Variants in PCLO observed in about 807,000 individuals in gnomAD.
PCLO encodes the protein protein piccolo.
In PCLO, 82 loss-of-function variants were observed where a neutral mutation model predicts 427.5. The ratio of observed to expected loss-of-function variants is 0.19; its 90% confidence interval spans 0.16 to 0.23. PCLO has a LOEUF of 0.23. Among genes scored for constraint, PCLO ranks in the 10% least tolerant of loss-of-function variants. The pLI is 1.00. For synonymous variants in PCLO, 2,357 were observed against 2,155.4 expected, an observed-to-expected ratio of 1.09 and a Z score of -2.59; for missense variants, 6,239 against 6,115.9, an observed-to-expected ratio of 1.02 and a Z score of -0.67.
At position 82,955,589 on chromosome 7, in the gene PCLO, C is replaced by T. The variant is rs535389033; in HGVS notation, c.5364G>A (p.Glu1788=). Residue 1788 remains glutamate (E), a synonymous_variant, in exon 5 of 25, where the codon GAG becomes GAA. Transcript: ENST00000333891. ...ELREEEELLK[E]QEKQREIEQQ... ...GTTCTATTTCCCTCTGCTTTTCTTG[C>T]TCCTTTAATAATTCTTCTTCCTCTC... 2.6e-4 allele frequency: 419 copies of T among 1,613,916 alleles called. 3 individuals carry two copies. The South Asian group carries it at 4.1e-3, about 16-fold the overall frequency.
chr7:82,801,570 TC>T lies in PCLO; in HGVS notation c.14954del (p.Gly4985AspfsTer5). 6.3e-7 allele frequency: 1 copy of T among 1,587,886 alleles called. No individual in the cohort carries two copies. The highest frequency in any genetic ancestry group is 8.6e-7 in the Non-Finnish European group (1 of 1,156,538). On this transcript the variant is annotated frameshift_variant, in exon 22 of 25. Transcript: ENST00000333891. LOFTEE classifies it high-confidence loss of function. Reference protein sequence around the residue: ...IPRIGKMGQNGQEPVKQPGVG... With the variant: ...IPRIGKMGQNXQEPVKQPGVG... Reference sequence around the variant, plus strand: ...CCCCTGGCTGTTTTACAGGCTCTTGTCCATTCTGTCCCATCTTCCCTCTGTT... The same window carrying T: ...CCCCTGGCTGTTTTACAGGCTCTTGTCATTCTGTCCCATCTTCCCTCTGTT...
Position 82,916,470 on chromosome 7 carries a change from A to C in PCLO, c.11516T>G (p.Val3839Gly), listed in dbSNP as rs1396857602. 1.9e-6 allele frequency: 3 copies of C among 1,613,676 alleles called. No homozygotes were observed. The highest frequency in any genetic ancestry group is 2.5e-6 in the Non-Finnish European group (3 of 1,179,752). Residue 3839 changes from valine to glycine, a missense_variant, in exon 7 of 25, where the codon GTG becomes GGG. Transcript: ENST00000333891. ...TATTCGGGTTGGTCTTGTGCTACTCACTTCACTGTCAGACATGTAATCACG... is the reference window on the plus strand; with the variant it reads ...TATTCGGGTTGGTCTTGTGCTACTCCCTTCACTGTCAGACATGTAATCACG... ...EDRDYMSDSEVSSTRPTRIES... is the reference protein window; with the variant it reads ...EDRDYMSDSEGSSTRPTRIES...
chr7:83,057,946 T>C (rs564043456), intron 3 of PCLO, among the ~76,000 whole-genome samples: 2 of 152,276 alleles, frequency 1.3e-5, no homozygotes, highest in Admixed American at 6.5e-5. Flanking sequence ...CTTAATTTAC[T>C]GCAATAGCCA....
chr7:82,963,774 G>T (rs1219972983), intron 4 of PCLO, among the ~76,000 whole-genome samples: 1 of 152,010 alleles, frequency 6.6e-6, no homozygotes, highest in African/African-American at 2.4e-5. Flanking sequence ...GGTAATTTTA[G>T]TTTATGTCAC....
rs567655284 is a variant in PCLO, at chr7:83,008,414, C to T, written c.3301-41927G>A. The stretch of plus-strand genomic sequence containing the variant: ...CTAATCTTTTTTAATGCTTCCTGTA[C>T]ATGACACATTTATGTATTTTGTAAT... On this transcript the variant is annotated intron_variant, in intron 3 of 24. Coordinates refer to ENST00000333891, the MANE Select transcript of PCLO (RefSeq NM_033026.6). Among the ~76,000 whole-genome samples the T allele has an allele frequency of 6.6e-5, 10 of 151,798 alleles. No homozygotes were observed. The East Asian group carries it at 1.9e-3, about 29-fold the overall frequency.
intron 3 of PCLO, among the ~76,000 whole-genome samples, chr7:83,050,563 G>A (rs1562939250): frequency 1.3e-5 from 2 of 151,642 alleles, no homozygotes; most frequent in Admixed American, 6.6e-5. Flanking sequence ...CAAATCTAAC[G>A]AAGTATAAAA....
chr7:83,035,637 CTAGT>C (rs1447915625), intron 3 of PCLO, among the ~76,000 whole-genome samples: 10 of 152,164 alleles, frequency 6.6e-5, no homozygotes, highest in African/African-American at 9.6e-5. Flanking sequence ...CTTGATCTTA[CTAGT>C]TACTTTATTA....
At position 82,915,835 on chromosome 7, in the gene PCLO, C is replaced by A; in HGVS notation, c.12151G>T (p.Asp4051Tyr). Residue 4051 changes from aspartate (D) to tyrosine (Y), a missense_variant, in exon 7 of 25, where the codon GAC becomes TAC. By Grantham distance (160) the Asp-to-Tyr change is radical. Coordinates refer to ENST00000333891, the MANE Select transcript of PCLO (RefSeq NM_033026.6). ...HTPRNYVLID[D>Y]IGEITKGTAA... Reference sequence around the variant, plus strand: ...GTTCCTTTGGTGATCTCTCCAATGTCGTCAATTAGGACATAATTTCGTGGA... The same window carrying A: ...GTTCCTTTGGTGATCTCTCCAATGTAGTCAATTAGGACATAATTTCGTGGA... The A allele has an allele frequency of 1.2e-6, 2 of 1,613,396 alleles. No individual in the cohort carries two copies. The highest frequency in any genetic ancestry group is 8.5e-7 in the Non-Finnish European group (1 of 1,179,686).
chr7:83,159,198 A>G (rs1463871480), intron 1 of PCLO, among the ~76,000 whole-genome samples: 1 of 152,098 alleles, frequency 6.6e-6, no homozygotes, highest in Non-Finnish European at 1.5e-5. Flanking sequence ...TGTTTCTTGA[A>G]TTGCTTTCAC....
At chr7:82,888,369 T>C (rs542918087) in intron 9 of PCLO, among the ~76,000 whole-genome samples, 3 of 152,302 alleles carry the variant, frequency 2.0e-5, no homozygotes, top group African/African-American at 4.8e-5. Flanking sequence ...AAAATGTTCA[T>C]ATAATTGATA....
At chr7:83,057,784 C>G (rs1169683188) in intron 3 of PCLO, among the ~76,000 whole-genome samples, 1 of 151,916 alleles carries the variant, frequency 6.6e-6, no homozygotes, top group African/African-American at 2.4e-5. Context: ...GAAAGAAAAT[C>G]AAAATCTTAC....
At position 82,965,899 on chromosome 7, in the gene PCLO, C is replaced by T; in HGVS notation, c.3889G>A (p.Gly1297Ser). 3 of 1,613,696 alleles carry T rather than the reference C, an allele frequency of 1.9e-6. No individual in the cohort carries two copies. Among genetic ancestry groups the T allele is most frequent in the Non-Finnish European group, 2.5e-6 (3 of 1,179,680 alleles). The change falls in exon 4 of 25, where the codon GGT becomes AGT. Residue 1297 changes from glycine (G) to serine (S), a missense_variant. This residue lies in a region of PCLO where 4,677 missense variants were observed against 4,468.4 expected (regional missense o/e 1.05). Transcript: ENST00000333891. ...CTCTGAGGTGTGCCAGATGGTAAAC[C>T]TTCCATCTTGGTCTGTGGTTGTTTC... ...EGKQPQTKME[G>S]LPSGTPQSLP...
rs140777033 is a variant in PCLO, at chr7:83,109,036, G to A, written c.3300+25214C>T. Among the ~76,000 whole-genome samples, 734 of 152,072 alleles carry A rather than the reference G, an allele frequency of 4.8e-3. 10 individuals carry two copies. The highest frequency in any genetic ancestry group is 0.017 in the African/African-American group (696 of 41,458). ...TTTGGACTCTTACCTAATTTTCTGT[G>A]TTACCTGTTCACTGTCTATCCCCAT... On this transcript the variant is annotated intron_variant, in intron 3 of 24. Coordinates refer to ENST00000333891, the MANE Select transcript of PCLO (RefSeq NM_033026.6).
At chr7:82,901,411 T>C (rs1045613903) in intron 9 of PCLO, among the ~76,000 whole-genome samples, 4 of 151,982 alleles carry the variant, frequency 2.6e-5, no homozygotes, top group Admixed American at 6.6e-5. Flanking sequence ...TTACACCTTA[T>C]ACAAAAATTA....
intron 3 of PCLO, among the ~76,000 whole-genome samples, chr7:83,108,785 G>C (rs201204526): frequency 2.7e-5 from 1 of 36,498 alleles, no homozygotes; most frequent in East Asian, 1.3e-3. Context: ...ATTAATGAAA[G>C]AGATTATATT....
intron 3 of PCLO, among the ~76,000 whole-genome samples, chr7:83,063,787 C>T (rs190807807): frequency 3.9e-5 from 6 of 152,120 alleles, no homozygotes; most frequent in Admixed American, 2.6e-4. Context: ...TTTGATTTAT[C>T]TTTTAGGCTG....
Position 83,135,609 on chromosome 7 carries a change from G to T in PCLO, c.1941C>A (p.Gly647=). Residue 647 remains glycine (G), a synonymous_variant, in exon 3 of 25, where the codon GGC becomes GGA. Coordinates refer to ENST00000333891, the MANE Select transcript of PCLO (RefSeq NM_033026.6). ...ATGACGGAACTGGAGCCAGATCCCC[G>T]CCTAGAGCTCTTTTCATTTGACAGT... ...CLNCQMKRAL[G]GDLAPVPSSP... 6.2e-7 allele frequency: 1 copy of T among 1,610,686 alleles called. No individual in the cohort carries two copies. Among genetic ancestry groups the T allele is most frequent in the Non-Finnish European group, 8.5e-7 (1 of 1,178,326 alleles).
intron 6 of PCLO, among the ~76,000 whole-genome samples, chr7:82,939,565 T>C (rs914269104): frequency 6.6e-6 from 1 of 151,192 alleles, no homozygotes; most frequent in Non-Finnish European, 1.5e-5. Context: ...CCATTGGAAA[T>C]ATACATATAT....
chr7:82,963,882 T>C (rs1795707967), intron 4 of PCLO, among the ~76,000 whole-genome samples: 1 of 152,118 alleles, frequency 6.6e-6, no homozygotes, highest in Non-Finnish European at 1.5e-5. Context: ...ATATTGAGGT[T>C]GTATAACGAA....
Sources: allele counts gnomAD v4.1 joint callset (sites outside exome capture counted in the v4.1 genomes callset), GRCh38; gene constraint gnomAD v4.1.1; regional missense constraint gnomAD v4.1.1; transcripts MANE v1.5; gene names NCBI Gene and HGNC (gene_info 2026-07-23, HGNC 2026-07-21).